The following FAM120A variants were observed in gnomAD, a reference collection of about 807,000 sequenced individuals.
FAM120A encodes family with sequence similarity 120 member A.
In FAM120A, 15 loss-of-function variants were observed where a neutral mutation model predicts 109.7. That is an observed-to-expected ratio of 0.14 (90% confidence interval 0.09 to 0.21). FAM120A has a LOEUF of 0.21. Ranked by LOEUF, FAM120A falls within the 10% of genes least tolerant of loss-of-function variation. The pLI, the probability that FAM120A is intolerant of heterozygous loss-of-function variation, is 1.00. For synonymous variants in FAM120A, 493 were observed against 572.8 expected, an observed-to-expected ratio of 0.86 and a Z score of 1.99; for missense variants, 899 against 1,439.3, an observed-to-expected ratio of 0.62 and a Z score of 6.07.
chr9:93,516,839 T>A (rs1215146870), intron 7 of FAM120A, among the ~76,000 whole-genome samples: 2 of 152,220 alleles, frequency 1.3e-5, no homozygotes, highest in Non-Finnish European at 2.9e-5. Flanking sequence ...AAATACATAG[T>A]TGGTTAAAAT....
At chr9:93,510,867 C>T (rs1860285395) in intron 5 of FAM120A, among the ~76,000 whole-genome samples, 1 of 150,900 alleles carries the variant, frequency 6.6e-6, no homozygotes, top group Admixed American at 6.6e-5. Context: ...ATAAAACTTG[C>T]TACTTGAGAC....
At position 93,498,270 on chromosome 9, in the gene FAM120A, G is replaced by A. The variant is rs754012114; in HGVS notation, c.934-520G>A. The stretch of plus-strand genomic sequence containing the variant: ...TAGCCAGGCGTGGTGGTGGGCGCCT[G>A]TAATGCCAGCTACTCGGGATGCTGA... On this transcript the variant is annotated intron_variant, in intron 4 of 17. Coordinates refer to ENST00000277165, the MANE Select transcript of FAM120A (RefSeq NM_014612.5). The surrounding 1 kb of genome is among the most constrained non-coding windows in gnomAD (Gnocchi z 4.4). 6.6e-6 allele frequency among the ~76,000 whole-genome samples: 1 copy of A among 152,218 alleles called. No homozygotes were observed. Among genetic ancestry groups the A allele is most frequent in the Non-Finnish European group, 1.5e-5 (1 of 68,034 alleles).
chr9:93,546,105 T>C (rs1403563182), intron 11 of FAM120A, among the ~76,000 whole-genome samples: 1 of 152,096 alleles, frequency 6.6e-6, no homozygotes, highest in Non-Finnish European at 1.5e-5. Context: ...TTTATTTTTG[T>C]TTTTAGAGGC....
rs1859691476 is a variant in FAM120A, at chr9:93,499,039, G to C, written c.1030+153G>C. Among the ~76,000 whole-genome samples, 5 of 152,182 alleles carry C rather than the reference G, an allele frequency of 3.3e-5. No homozygotes were observed. In the South Asian group the frequency reaches 1.0e-3, roughly 32 times the overall value. On this transcript the variant is annotated intron_variant, in intron 5 of 17. Coordinates refer to ENST00000277165, the MANE Select transcript of FAM120A (RefSeq NM_014612.5). ...TAGCCAAACTTCCTGGGCAGACTCAGTAGCAATCCCTGAAAATATTGAGGA... is the reference window on the plus strand; with the variant it reads ...TAGCCAAACTTCCTGGGCAGACTCACTAGCAATCCCTGAAAATATTGAGGA...
chr9:93,511,598 CT>C, intron 5 of FAM120A, among the ~76,000 whole-genome samples: 1 of 152,338 alleles, frequency 6.6e-6, no homozygotes, highest in South Asian at 2.1e-4. Flanking sequence ...TTTTTATCTT[CT>C]GTAGACTATT....
At chr9:93,548,161 A>G (rs1029217996) in intron 11 of FAM120A, among the ~76,000 whole-genome samples, 43 of 152,208 alleles carry the variant, frequency 2.8e-4, no homozygotes, top group African/African-American at 1.0e-3. Flanking sequence ...GCTGGAGTGC[A>G]GTGGTGCCAT....
chr9:93,489,326 C>G (rs1006684191), intron 3 of FAM120A, among the ~76,000 whole-genome samples: 6 of 152,278 alleles, frequency 3.9e-5, no homozygotes, highest in Admixed American at 3.9e-4. Flanking sequence ...ATCCTTAGGG[C>G]ACAGCCTGGG....
intron 3 of FAM120A, among the ~76,000 whole-genome samples, chr9:93,492,069 T>C (rs1859345694): frequency 6.6e-6 from 1 of 152,184 alleles, no homozygotes. Flanking sequence ...GCAACACTGC[T>C]GATGATGCCT....
chr9:93,513,730 A>G (rs928185029), intron 5 of FAM120A, among the ~76,000 whole-genome samples: 22 of 152,214 alleles, frequency 1.4e-4, no homozygotes, highest in African/African-American at 4.8e-4. Context: ...GGGGGAGTCA[A>G]CAATGATCTG....
In FAM120A at chr9:93,467,254, C is replaced by T. The variant is rs796859093; in HGVS notation, c.475-3887C>T. On this transcript the variant is annotated intron_variant, in intron 1 of 17. Transcript: ENST00000277165. ...TTGCCAGATCTGCTGTCACCCCCCCCCCCCTTTTCCCCCATTGAATAACTG... is the reference window on the plus strand; with the variant it reads ...TTGCCAGATCTGCTGTCACCCCCCCTCCCCTTTTCCCCCATTGAATAACTG... 5.4e-5 allele frequency among the ~76,000 whole-genome samples: 6 copies of T among 111,616 alleles called. 2 individuals carry two copies. The highest frequency in any genetic ancestry group is 1.2e-4 in the African/African-American group (4 of 32,068). The allele number at this position is 111,616 out of a possible 152,430, so 73.2% of individuals were successfully genotyped here.
intron 11 of FAM120A, among the ~76,000 whole-genome samples, chr9:93,546,794 G>A (rs751006585): frequency 1.8e-4 from 27 of 152,304 alleles, no homozygotes; most frequent in African/African-American, 2.2e-4. Flanking sequence ...GCCAGCTCAT[G>A]GCTACAGTTT....
At chr9:93,511,733 C>T (rs1412472134) in intron 5 of FAM120A, among the ~76,000 whole-genome samples, 3 of 152,326 alleles carry the variant, frequency 2.0e-5, no homozygotes, top group South Asian at 4.1e-4. Flanking sequence ...TAATCTTGGA[C>T]TCGACATCTT....
intron 12 of FAM120A, among the ~76,000 whole-genome samples, chr9:93,552,220 T>G (rs907022284): frequency 6.6e-6 from 1 of 152,246 alleles, no homozygotes; most frequent in Non-Finnish European, 1.5e-5. Context: ...TCATCTTATA[T>G]CCCATATCCT....
chr9:93,541,899 T>A (rs1422275771), intron 10 of FAM120A, among the ~76,000 whole-genome samples: 1 of 152,202 alleles, frequency 6.6e-6, no homozygotes, highest in Non-Finnish European at 1.5e-5. Context: ...GCTGAGAAAC[T>A]GTGTATCCAA....
rs1857326017 is a variant in FAM120A at position 93,452,761 on chromosome 9, C to T, written c.474+372C>T. ...TCACCTTCAACTTTGACAAAATACTCCCTTTTCTAATTTAGCCTGTTCTTT... is the reference window on the plus strand; with the variant it reads ...TCACCTTCAACTTTGACAAAATACTTCCTTTTCTAATTTAGCCTGTTCTTT... On this transcript the variant is annotated intron_variant, in intron 1 of 17. Coordinates refer to ENST00000277165, the MANE Select transcript of FAM120A (RefSeq NM_014612.5). This position sits in a 1 kb window ranked among gnomAD's most constrained non-coding sequence, Gnocchi z 7.0. The T allele has an allele frequency of 3.1e-6, 5 of 1,596,974 alleles. No homozygotes were observed. The highest frequency in any genetic ancestry group is 4.5e-5 in the East Asian group (2 of 44,822).
In FAM120A at chr9:93,544,681, G is replaced by A. The variant is rs556409141; in HGVS notation, c.2159+1210G>A. Among the ~76,000 whole-genome samples the A allele has an allele frequency of 4.6e-5, 7 of 152,308 alleles. No homozygotes were observed. In the South Asian group the frequency reaches 1.4e-3, roughly 32 times the overall value. ...ACCATCAAAATCAATCCGCAGTGAT[G>A]CTGTGGTCCATTCCACCCTTCAGAG... On this transcript the variant is annotated intron_variant, in intron 11 of 17. Transcript: ENST00000277165.
At chr9:93,545,780 C>CTTTTTTTTGTTTTTTTTTTTTTTTT in intron 11 of FAM120A, among the ~76,000 whole-genome samples, 1 of 65,494 alleles carries the variant, frequency 1.5e-5, no homozygotes, top group Non-Finnish European at 2.9e-5. Context: ...GGAAAGACTC[C>CTTTTTTTTGTTTTTTTTTTTTTTTT]TTTTTTTTTT....
chr9:93,518,385 A>G (rs1004851411), intron 7 of FAM120A, among the ~76,000 whole-genome samples: 1 of 152,210 alleles, frequency 6.6e-6, no homozygotes. Context: ...TAGGCTGTGC[A>G]TAAGAGAACA....
At chr9:93,528,505 T>C (rs141155035) in intron 8 of FAM120A, among the ~76,000 whole-genome samples, 2 of 152,350 alleles carry the variant, frequency 1.3e-5, no homozygotes, top group African/African-American at 4.8e-5. Context: ...CTCCTTCCTT[T>C]TTCCTTTCCT....
Sources: gnomAD v4.1 joint callset for allele counts (sites outside exome capture counted in the v4.1 genomes callset) on GRCh38, gnomAD v4.1.1 for gene constraint, Gnocchi (gnomAD v3.1) non-coding constraint, MANE v1.5 for transcripts, NCBI Gene and HGNC (gene_info 2026-07-23, HGNC 2026-07-21) for gene names.